Variants in NAA11 observed in about 807,000 individuals in gnomAD.
The protein encoded by NAA11 is N-alpha-acetyltransferase 11.
Under a neutral mutation model 16.1 loss-of-function variants are expected in NAA11, and 15 were observed. The ratio of observed to expected loss-of-function variants is 0.93; its 90% CI spans 0.62 to 1.44. The LOEUF is 1.44. Among genes scored for constraint, NAA11 ranks in the 40% most tolerant of loss-of-function variants. The probability of loss-of-function intolerance (pLI) is 0.00; values close to 1 mark genes in which losing one functional copy is unlikely to be tolerated. For synonymous variants in NAA11, 122 were observed against 112.4 expected (o/e 1.09, Z -0.54); for missense variants, 298 against 291.3 (o/e 1.02, Z -0.17).
chr4:79,301,362 A>G (rs556932790), intron 1 of NAA11, among the ~76,000 whole-genome samples: 1 of 152,338 alleles, frequency 6.6e-6, no homozygotes, highest in African/African-American at 2.4e-5. Context: ...AGTCCTGTGC[A>G]CAATGATCTT....
chr4:79,163,837 G>A, the NAA11 span, among the ~76,000 whole-genome samples: 1 of 152,130 alleles, frequency 6.6e-6, no homozygotes, highest in Non-Finnish European at 1.5e-5. Flanking sequence ...TATATTTATT[G>A]GAGATATTAT....
At chr4:79,270,383 T>A (rs1433431242) in intron 2 of NAA11, among the ~76,000 whole-genome samples, 1 of 151,298 alleles carries the variant, frequency 6.6e-6, no homozygotes, top group African/African-American at 2.4e-5. Flanking sequence ...GTGGCAATAA[T>A]CAATAGCTTA....
At chr4:79,242,933 G>C (rs1028458340) in intron 2 of NAA11, among the ~76,000 whole-genome samples, 1 of 152,324 alleles carries the variant, frequency 6.6e-6, no homozygotes. Context: ...CTTCTCATTA[G>C]AGATAAGAAT....
the NAA11 span, among the ~76,000 whole-genome samples, chr4:79,156,881 T>C: frequency 6.6e-6 from 1 of 152,284 alleles, no homozygotes; most frequent in Admixed American, 6.5e-5. Flanking sequence ...ACTGTGGTAA[T>C]GAGAAGAAAA....
chr4:79,240,052 A>G (rs140617008), intron 2 of NAA11, among the ~76,000 whole-genome samples: 1 of 152,226 alleles, frequency 6.6e-6, no homozygotes, highest in African/African-American at 2.4e-5. Flanking sequence ...GATGTCTTCC[A>G]TCATAAAGGG....
chr4:79,308,067 T>A (rs193127526), intron 1 of NAA11, among the ~76,000 whole-genome samples: 4 of 152,206 alleles, frequency 2.6e-5, no homozygotes, highest in Admixed American at 2.6e-4. Context: ...ATGCTCTATA[T>A]CCTTTATAAA....
chr4:79,295,523 A>G (rs1269803601), intron 1 of NAA11, among the ~76,000 whole-genome samples: 2 of 152,238 alleles, frequency 1.3e-5, no homozygotes, highest in Non-Finnish European at 2.9e-5. Context: ...ATAGTACTCC[A>G]GAGTTTACTT....
chr4:79,190,159 C>T, the NAA11 span, among the ~76,000 whole-genome samples: 4 of 152,086 alleles, frequency 2.6e-5, no homozygotes, highest in Non-Finnish European at 5.9e-5. Context: ...CGGGAAAAAT[C>T]CACTTCAAAT....
intron 1 of NAA11, among the ~76,000 whole-genome samples, chr4:79,304,143 GAAGATCCT>G: frequency 6.6e-6 from 1 of 152,204 alleles, no homozygotes; most frequent in Non-Finnish European, 1.5e-5. Flanking sequence ...TTAGAATTGA[GAAGATCCT>G]TTATTTAGCC....
intron 2 of NAA11, among the ~76,000 whole-genome samples, chr4:79,251,218 A>G (rs1306384997): frequency 1.3e-5 from 2 of 152,234 alleles, no homozygotes; most frequent in African/African-American, 2.4e-5. Flanking sequence ...AACACATGAA[A>G]TCAACATAGA....
chr4:79,180,916 T>G, the NAA11 span, among the ~76,000 whole-genome samples: 1 of 152,168 alleles, frequency 6.6e-6, no homozygotes, highest in Non-Finnish European at 1.5e-5. Flanking sequence ...AAGGATGAGT[T>G]CATGTCCTTT....
the NAA11 span, among the ~76,000 whole-genome samples, chr4:79,185,032 G>T: frequency 6.6e-6 from 1 of 151,932 alleles, no homozygotes; most frequent in African/African-American, 2.4e-5. Context: ...TTAGAGTTTA[G>T]ATTTTGTACG....
chr4:79,242,026 T>G (rs906495463), intron 2 of NAA11, among the ~76,000 whole-genome samples: 1 of 152,224 alleles, frequency 6.6e-6, no homozygotes, highest in Non-Finnish European at 1.5e-5. Flanking sequence ...TTCTCTGCTA[T>G]TCCAATGTGT....
chr4:79,227,062 C>T (rs1353388557), intron 2 of NAA11: 7 of 152,076 alleles, frequency 4.6e-5, no homozygotes, highest in Non-Finnish European at 7.4e-5. Context: ...AAAAGTGTTC[C>T]TATTTCTCCA....
intron 2 of NAA11, among the ~76,000 whole-genome samples, chr4:79,237,791 G>C: frequency 6.6e-6 from 1 of 152,032 alleles, no homozygotes; most frequent in East Asian, 1.9e-4. Flanking sequence ...GCTACATGTG[G>C]GTCATATTTT....
intron 1 of NAA11, among the ~76,000 whole-genome samples, chr4:79,302,252 TA>T (rs1723412853): frequency 6.6e-6 from 1 of 152,222 alleles, no homozygotes; most frequent in Admixed American, 6.5e-5. Context: ...TCTGAAGATC[TA>T]AATCATATCT....
At chr4:79,263,944 T>C (rs1010672443) in intron 2 of NAA11, among the ~76,000 whole-genome samples, 9 of 152,198 alleles carry the variant, frequency 5.9e-5, no homozygotes, top group Non-Finnish European at 5.9e-5. Flanking sequence ...CTGCCTTCCA[T>C]ATATTCTGGT....
intron 1 of NAA11, among the ~76,000 whole-genome samples, chr4:79,302,875 T>C (rs1159638323): frequency 1.3e-5 from 2 of 151,932 alleles, no homozygotes; most frequent in Non-Finnish European, 2.9e-5. Flanking sequence ...GGAGCTTCCC[T>C]GCTGGCCTGG....
chr4:79,198,688 C>T, the NAA11 span, among the ~76,000 whole-genome samples: 1 of 151,822 alleles, frequency 6.6e-6, no homozygotes, highest in East Asian at 1.9e-4. Flanking sequence ...TCAATAGTAT[C>T]TTTGTCTAAA....
Sources: allele counts gnomAD v4.1 joint callset (sites outside exome capture counted in the v4.1 genomes callset), GRCh38; gene constraint gnomAD v4.1.1; transcripts MANE v1.5; gene names NCBI Gene and HGNC (gene_info 2026-07-23, HGNC 2026-07-21).